Variants in ELP2 observed in about 807,000 individuals in gnomAD.
ELP2 encodes the protein elongator complex protein 2.
In ELP2, 90 loss-of-function variants were observed where a neutral mutation model predicts 119.2. The ratio of observed to expected loss-of-function variants is 0.75; its 90% CI spans 0.64 to 0.90. The LOEUF (loss-of-function observed/expected upper bound fraction) is 0.90. ELP2 is among the 40% of genes least tolerant of loss of function. The pLI is 0.00. For missense variants in ELP2, 921 were observed against 967.8 expected, an observed-to-expected ratio of 0.95 and a Z score of 0.64; for synonymous variants, 339 against 331.0, an observed-to-expected ratio of 1.02 and a Z score of -0.26.
intron 11 of ELP2, among the ~76,000 whole-genome samples, chr18:36,151,257 A>G (rs576520212): frequency 5.8e-4 from 88 of 151,228 alleles, no homozygotes; most frequent in African/African-American, 2.0e-3. Context: ...GCTAATTTCT[A>G]TTTTTTGTAG....
intron 16 of ELP2, 41 bp from the exon 17 acceptor site, chr18:36,160,891 A>C: frequency 7.5e-7 from 1 of 1,324,522 alleles, no homozygotes; most frequent in Non-Finnish European, 1.1e-6. Context: ...ATGAGAATAG[A>C]TTCATTTGCT....
At chr18:36,154,066 CTTT>C (rs71166099) in intron 11 of ELP2, among the ~76,000 whole-genome samples, 17 of 115,874 alleles carry the variant, frequency 1.5e-4, no homozygotes, top group African/African-American at 2.6e-4. Flanking sequence ...TTGTCACAGG[CTTT>C]TTTTTTTTTT....
chr18:36,170,905 C>A, intron 20 of ELP2, 142 bp from the exon 21 acceptor site: 1 of 705,838 alleles, frequency 1.4e-6, no homozygotes, highest in South Asian at 1.5e-5. Context: ...GAGAGCAGTG[C>A]AGCATGTCCT....
intron 19 of ELP2, among the ~76,000 whole-genome samples, chr18:36,168,548 G>A (rs1215540413): frequency 1.3e-5 from 2 of 152,130 alleles, no homozygotes; most frequent in East Asian, 3.9e-4. Context: ...GCAAAAGGGG[G>A]AAGCCTCTTA....
At chr18:36,166,331 T>TTG (rs1555645879) in intron 18 of ELP2, among the ~76,000 whole-genome samples, 1 of 119,036 alleles carries the variant, frequency 8.4e-6, no homozygotes, top group Non-Finnish European at 1.7e-5. Context: ...TTTTTTTTTT[T>TTG]TTTTTTTTTT....
intron 1 of ELP2, 132 bp from the exon 2 acceptor site, chr18:36,133,106 A>G (rs184626628): frequency 7.2e-6 from 5 of 695,954 alleles, no homozygotes; most frequent in East Asian, 2.7e-5. Context: ...TATAGATTGA[A>G]GAAGGCAAAT....
At chr18:36,167,039 T>A (rs2090928296) in intron 18 of ELP2, 62 bp from the exon 19 acceptor site, 1 of 1,531,940 alleles carries the variant, frequency 6.5e-7, no homozygotes, top group Non-Finnish European at 8.8e-7. Context: ...AAACATCACT[T>A]CCTAACAGGT....
At chr18:36,135,214 TTGTG>T (rs2089782901) in intron 2 of ELP2, among the ~76,000 whole-genome samples, 1 of 152,258 alleles carries the variant, frequency 6.6e-6, no homozygotes, top group Non-Finnish European at 1.5e-5. Context: ...AATGGATTGC[TTGTG>T]TATTACTGTA....
intron 11 of ELP2, among the ~76,000 whole-genome samples, chr18:36,153,422 G>T (rs940454237): frequency 3.3e-5 from 5 of 152,158 alleles, no homozygotes; most frequent in Non-Finnish European, 5.9e-5. Flanking sequence ...TAAGTATGTA[G>T]GGAAAACTCT....
At chr18:36,145,339 A>G in intron 9 of ELP2, 2 of 365,664 alleles carry the variant, frequency 5.5e-6, no homozygotes, top group Non-Finnish European at 1.0e-5. Context: ...CTGACTTTCA[A>G]GCCAACTTCA....
chr18:36,168,079 T>C lies in ELP2; in HGVS notation c.2076+857T>C, dbSNP rs181586779. 1.8e-4 allele frequency among the ~76,000 whole-genome samples: 28 copies of C among 152,366 alleles called. 1 individual carries two copies. In the East Asian group the frequency reaches 5.2e-3, roughly 28 times the overall value. On this transcript the variant is annotated intron_variant, in intron 19 of 21. Coordinates refer to ENST00000358232, the MANE Select transcript of ELP2 (RefSeq NM_018255.4). ...TTTCATACTCTTTAAAATATCCTTT[T>C]GTTCCTACAGACTAGAGGTGGTGAA...
Position 36,142,933 on chromosome 18 carries a change from C to G in ELP2, c.763C>G (p.Leu255Val). The G allele has an allele frequency of 6.3e-7, 1 of 1,590,210 alleles. No homozygotes were observed. Among genetic ancestry groups the G allele is most frequent in the East Asian group, 2.2e-5 (1 of 44,538 alleles). ...AACTCAGGATGACGATAACATAAGA[C>G]TGAAAGAAAATACTTTTACCATAGA... is the stretch of plus-strand genomic sequence containing the variant. ...LETQDDDNIRLKENTFTIENE... is the reference protein window; with the variant it reads ...LETQDDDNIRVKENTFTIENE... The change falls in exon 8 of 22, where the codon CTG becomes GTG. Residue 255 changes from leucine (L) to valine (V), a missense_variant. Physicochemically the swap from Leu to Val is conservative, Grantham distance 32. Transcript: ENST00000358232.
At chr18:36,153,637 C>T (rs2090472190) in intron 11 of ELP2, among the ~76,000 whole-genome samples, 1 of 152,210 alleles carries the variant, frequency 6.6e-6, no homozygotes, top group Non-Finnish European at 1.5e-5. Flanking sequence ...GCCTCAGGAA[C>T]TTCTGACTGA....
At position 36,159,292 on chromosome 18, in the gene ELP2, T is replaced by C. The variant is rs537718618; in HGVS notation, c.1534+388T>C. Among the ~76,000 whole-genome samples the C allele has an allele frequency of 7.2e-5, 11 of 152,260 alleles. No individual in the cohort carries two copies. In the East Asian group the frequency reaches 2.1e-3, roughly 29 times the overall value. Reference sequence around the variant, plus strand: ...CATGCCCAGCTAATTTTTGTATTTTTAGTAGAGACAGGGTTTCACCATGTT... The same window carrying C: ...CATGCCCAGCTAATTTTTGTATTTTCAGTAGAGACAGGGTTTCACCATGTT... On this transcript the variant is annotated intron_variant, in intron 14 of 21. Coordinates refer to ENST00000358232, the MANE Select transcript of ELP2 (RefSeq NM_018255.4).
intron 13 of ELP2, among the ~76,000 whole-genome samples, chr18:36,158,208 TACAGA>T (rs1316816698): frequency 1.3e-5 from 2 of 152,214 alleles, no homozygotes; most frequent in Non-Finnish European, 2.9e-5. Context: ...GTCTAAGTTG[TACAGA>T]ACACTCTTAG....
intron 2 of ELP2, among the ~76,000 whole-genome samples, chr18:36,134,518 C>G (rs558436860): frequency 1.3e-5 from 2 of 152,318 alleles, no homozygotes; most frequent in South Asian, 2.1e-4. Flanking sequence ...TATATGTTCA[C>G]ACATCATAGA....
chr18:36,156,268 C>G (rs530059802), intron 12 of ELP2, among the ~76,000 whole-genome samples, 198 bp from the exon 13 acceptor site: 3 of 152,264 alleles, frequency 2.0e-5, no homozygotes, highest in African/African-American at 7.2e-5. Context: ...AACTGAAAAA[C>G]AAGTCAAATG....
intron 19 of ELP2, 38 bp from the exon 20 acceptor site, chr18:36,170,023 CAA>C: frequency 1.2e-6 from 2 of 1,613,974 alleles, no homozygotes; most frequent in Non-Finnish European, 1.7e-6. Context: ...AGAAACCTTG[CAA>C]AGAGAAGGCT....
intron 2 of ELP2, among the ~76,000 whole-genome samples, chr18:36,134,919 A>G (rs572254520): frequency 6.6e-6 from 1 of 152,344 alleles, no homozygotes; most frequent in Non-Finnish European, 1.5e-5. Flanking sequence ...CACAAATGCA[A>G]AATTTTCTGA....
Sources: allele counts gnomAD v4.1 joint callset (sites outside exome capture counted in the v4.1 genomes callset), GRCh38; gene constraint gnomAD v4.1.1; transcripts MANE v1.5; gene names NCBI Gene and HGNC (gene_info 2026-07-23, HGNC 2026-07-21).